The following DNAH2 variants were observed in gnomAD, a reference collection of about 807,000 sequenced individuals.
DNAH2 encodes the protein dynein axonemal heavy chain 2.
Under a neutral mutation model 523.5 loss-of-function variants are expected in DNAH2, and 323 were observed. That is an observed-to-expected ratio of 0.62 (90% CI 0.56 to 0.68). The LOEUF is 0.68. Ranked by LOEUF, DNAH2 falls within the 30% of genes least tolerant of loss-of-function variation. The pLI is 0.00. For missense variants in DNAH2, 4,907 were observed against 5,701.5 expected (o/e 0.86, Z 4.49); for synonymous variants, 2,093 against 2,177.4 (o/e 0.96, Z 1.08).
In DNAH2 at chr17:7,817,346, C is replaced by T. The variant is rs1399792391; in HGVS notation, c.9951C>T (p.Phe3317=). Residue 3317 remains phenylalanine, a synonymous_variant, in exon 65 of 86, where the codon TTC becomes TTT. Transcript: ENST00000572933. ...GGGACTGTCTCCTGGCAGCTGCCTTCCTGTCCTACATGGGACCCTTCCTGA... is the reference window on the plus strand; with the variant it reads ...GGGACTGTCTCCTGGCAGCTGCCTTTCTGTCCTACATGGGACCCTTCCTGA... ...LVGDCLLAAA[F]LSYMGPFLTN... is the part of the protein sequence containing the mutation. The T allele has an allele frequency of 2.5e-6, 4 of 1,609,632 alleles. No homozygotes were observed. Among genetic ancestry groups the T allele is most frequent in the South Asian group, 2.2e-5 (2 of 90,188 alleles).
chr17:7,819,903 C>T (rs2077806553), intron 72 of DNAH2, among the ~76,000 whole-genome samples: 1 of 152,180 alleles, frequency 6.6e-6, no homozygotes, highest in African/African-American at 2.4e-5. Context: ...CTTCAGGGTC[C>T]TCATCCTTGG....
intron 9 of DNAH2, among the ~76,000 whole-genome samples, 174 bp from the exon 10 acceptor site, chr17:7,740,246 C>A (rs1266037664): frequency 6.6e-6 from 1 of 152,152 alleles, no homozygotes; most frequent in African/African-American, 2.4e-5. Context: ...AGAGATAGAG[C>A]CCATCTCACA....
At chr17:7,779,678 C>G (rs1049008425) in intron 36 of DNAH2, among the ~76,000 whole-genome samples, 12 of 152,180 alleles carry the variant, frequency 7.9e-5, no homozygotes, top group Non-Finnish European at 1.5e-4. Flanking sequence ...AGATACTTAG[C>G]TTTCTTCTCC....
chr17:7,792,914 G>C (rs2076939462), intron 47 of DNAH2, 59 bp downstream of exon 47: 2 of 1,603,602 alleles, frequency 1.2e-6, no homozygotes, highest in African/African-American at 2.7e-5. Context: ...GTGCCTGCCT[G>C]ACCCTCCTCT....
rs2151303754 is a variant in DNAH2, at chr17:7,807,300, T to C, written c.9593T>C (p.Met3198Thr). ...RVSLAAKSLC[M>T]WVRAMELYGR... The stretch of plus-strand genomic sequence containing the variant: ...TCCCTGGCTGCCAAGTCCCTCTGCA[T>C]GTGGGTGCGGGCCATGGAGGTAAAG... Residue 3198 changes from methionine to threonine, a missense_variant, in exon 62 of 86, where the codon ATG becomes ACG. Met to Thr is a moderately conservative substitution (Grantham distance 81). Transcript: ENST00000572933. The surrounding 1 kb of genome is among the most constrained non-coding windows in gnomAD (Gnocchi z 5.6). The C allele has an allele frequency of 1.2e-6, 2 of 1,613,506 alleles. No individual in the cohort carries two copies. The highest frequency in any genetic ancestry group is 2.2e-5 in the South Asian group (2 of 91,064).
At chr17:7,753,125 C>A (rs1442151584) in intron 12 of DNAH2, among the ~76,000 whole-genome samples, 1 of 152,166 alleles carries the variant, frequency 6.6e-6, no homozygotes, top group African/African-American at 2.4e-5. Flanking sequence ...TTTGCTTTAG[C>A]ATATTAAAAA....
chr17:7,811,484 A>T (rs2077515852), intron 63 of DNAH2, among the ~76,000 whole-genome samples: 2 of 152,202 alleles, frequency 1.3e-5, no homozygotes, highest in Non-Finnish European at 2.9e-5. Flanking sequence ...GGGTTATCTC[A>T]GTTCATTTGG....
chr17:7,752,633 C>T (rs2075721019), intron 12 of DNAH2, among the ~76,000 whole-genome samples: 1 of 152,058 alleles, frequency 6.6e-6, no homozygotes, highest in Admixed American at 6.6e-5. Context: ...TGGCGTGAAC[C>T]TGGGAGGCAG....
rs577203463 is a variant in DNAH2 at position 7,736,843 on chromosome 17, G to A, written c.979-224G>A. Among the ~76,000 whole-genome samples the A allele has an allele frequency of 8.5e-5, 13 of 152,268 alleles. No homozygotes were observed. The South Asian group carries it at 1.0e-3, about 12-fold the overall frequency. ...CTAAAAATACAAAAATTAGCTGGGC[G>A]TTGTGGTGGGCACCTGTAATCCCAG... On this transcript the variant is annotated intron_variant, in intron 7 of 85. Transcript: ENST00000572933.
intron 11 of DNAH2, among the ~76,000 whole-genome samples, chr17:7,741,230 C>CTT (rs2075306473): frequency 1.1e-4 from 14 of 130,350 alleles, no homozygotes; most frequent in Admixed American, 3.9e-4. Context: ...TCTTTTTTTT[C>CTT]TCTCTCTCTT....
At position 7,832,528 on chromosome 17, in the gene DNAH2, G is replaced by A. The variant is rs968779383; in HGVS notation, c.12727-51G>A. 15 of 1,583,430 alleles carry A rather than the reference G, an allele frequency of 9.5e-6. No individual in the cohort carries two copies. The highest frequency in any genetic ancestry group is 9.0e-5 in the South Asian group (8 of 88,556). On this transcript the variant is annotated intron_variant, in intron 82 of 85. Coordinates refer to ENST00000572933, the MANE Select transcript of DNAH2 (RefSeq NM_020877.5). This position sits in a 1 kb window ranked among gnomAD's most constrained non-coding sequence, Gnocchi z 4.3. ...CTGTCTCTAAATAAATAAATAATAC[G>A]GATTTGAATGCACGGCTAAATGAGT...
intron 50 of DNAH2, 73 bp from the exon 51 acceptor site, chr17:7,797,103 A>AAT: frequency 2.1e-6 from 1 of 479,332 alleles, no homozygotes. Context: ...CTCTGTCCCA[A>AAT]AAAAAAAAAA....
At chr17:7,773,636 T>C (rs184589675) in intron 28 of DNAH2, among the ~76,000 whole-genome samples, 1 of 152,368 alleles carries the variant, frequency 6.6e-6, no homozygotes, top group Non-Finnish European at 1.5e-5. Flanking sequence ...GCACTGAGGC[T>C]GTAACTTTTG....
intron 72 of DNAH2, among the ~76,000 whole-genome samples, chr17:7,820,803 G>C (rs748559590): frequency 2.9e-4 from 44 of 152,144 alleles, no homozygotes; most frequent in Admixed American, 5.2e-4. Context: ...ACTTTGGAAA[G>C]CTGAGACGGG....
rs750901343 is a variant in DNAH2 at position 7,801,849 on chromosome 17, G to C, written c.8833-29G>C. The C allele has an allele frequency of 1.5e-5, 24 of 1,613,468 alleles. No homozygotes were observed. The African/African-American group carries it at 2.4e-4, about 16-fold the overall frequency. On this transcript the variant is annotated intron_variant, in intron 57 of 85. Transcript: ENST00000572933. ...CTCTCTCCCACTTCCGTTTCCATCT[G>C]CCTTTTCATCCTGTGTCACTGGCCT...
rs1400205750 is a variant in DNAH2 at position 7,798,381 on chromosome 17, A to C, written c.8398+57A>C. The C allele has an allele frequency of 1.2e-5, 19 of 1,562,676 alleles. No individual in the cohort carries two copies. Among genetic ancestry groups the C allele is most frequent in the South Asian group, 1.1e-4 (9 of 83,732 alleles). On this transcript the variant is annotated intron_variant, in intron 54 of 85. Transcript: ENST00000572933. The surrounding 1 kb of genome is among the most constrained non-coding windows in gnomAD (Gnocchi z 5.5). ...AAAGATCAGATGCATACATTCCTGCAGTGACAAGAGAGGAGAGATGGCAGC... is the reference window on the plus strand; with the variant it reads ...AAAGATCAGATGCATACATTCCTGCCGTGACAAGAGAGGAGAGATGGCAGC...
intron 58 of DNAH2, among the ~76,000 whole-genome samples, chr17:7,803,060 G>T (rs2077266954): frequency 1.3e-5 from 2 of 152,162 alleles, no homozygotes; most frequent in Admixed American, 1.3e-4. Flanking sequence ...GACACCAGAT[G>T]TGGTGGGGAT....
intron 58 of DNAH2, 69 bp downstream of exon 58, chr17:7,802,086 G>T (rs1420687963): frequency 7.9e-5 from 126 of 1,589,770 alleles, no homozygotes; most frequent in Non-Finnish European, 1.1e-4. Flanking sequence ...TGGGTGAAAT[G>T]ATGCTGATGT....
rs768143177 is a variant in DNAH2 at position 7,817,326 on chromosome 17, T to A, written c.9931T>A (p.Cys3311Ser). 6.2e-7 allele frequency: 1 copy of A among 1,607,406 alleles called. No individual in the cohort carries two copies. The highest frequency in any genetic ancestry group is 1.7e-5 in the Admixed American group (1 of 57,638). Residue 3311 changes from cysteine to serine, a missense_variant, in exon 65 of 86, where the codon TGT (cysteine) becomes AGT (serine). By Grantham distance (112) the Cys-to-Ser change is moderately radical (BLOSUM62 -1). Transcript: ENST00000572933. ...EEDLGYLVGD[C>S]LLAAAFLSYM... ...GGACCTGGGCTACCTGGTGGGGGAC[T>A]GTCTCCTGGCAGCTGCCTTCCTGTC...
Sources: allele counts gnomAD v4.1 joint callset (sites outside exome capture counted in the v4.1 genomes callset), GRCh38; gene constraint gnomAD v4.1.1; non-coding constraint Gnocchi (gnomAD v3.1); transcripts MANE v1.5; gene names NCBI Gene and HGNC (gene_info 2026-07-23, HGNC 2026-07-21).